TMTC1: variants seen among roughly 807,000 people sequenced by gnomAD.
TMTC1 encodes the protein transmembrane O-mannosyltransferase targeting cadherins 1.
Under a neutral mutation model 104.8 loss-of-function variants are expected in TMTC1, and 73 were observed. That is an observed-to-expected ratio of 0.70 (90% confidence interval 0.58 to 0.85). The LOEUF is 0.85. Ranked by LOEUF, TMTC1 falls within the 40% of genes least tolerant of loss-of-function variation. The probability of loss-of-function intolerance (pLI) is 0.00; values close to 1 mark genes in which losing one functional copy is unlikely to be tolerated. For missense variants in TMTC1, 1,035 were observed against 1,096.1 expected (o/e 0.94, Z 0.79); for synonymous variants, 434 against 428.7 (o/e 1.01, Z -0.15).
chr12:29,659,605 T>C (rs1324855338), intron 5 of TMTC1, among the ~76,000 whole-genome samples: 1 of 152,180 alleles, frequency 6.6e-6, no homozygotes, highest in Non-Finnish European at 1.5e-5. Flanking sequence ...ATAAATTACC[T>C]AGTCTCCAGT....
chr12:29,597,376 G>A, intron 7 of TMTC1, among the ~76,000 whole-genome samples: 1 of 151,520 alleles, frequency 6.6e-6, no homozygotes, highest in Non-Finnish European at 1.5e-5. Context: ...TGCCTGGCCA[G>A]TCCATGTGAA....
At chr12:29,668,897 C>T (rs560851445) in intron 5 of TMTC1, among the ~76,000 whole-genome samples, 4 of 152,260 alleles carry the variant, frequency 2.6e-5, no homozygotes, top group Non-Finnish European at 4.4e-5. Flanking sequence ...TTAATAAGCA[C>T]GCTTTTAAAA....
chr12:29,672,073 G>A (rs915155153), intron 5 of TMTC1, among the ~76,000 whole-genome samples: 3 of 152,166 alleles, frequency 2.0e-5, no homozygotes, highest in Admixed American at 1.3e-4. Flanking sequence ...GAATGGTGAA[G>A]TGGAAGTTCC....
At chr12:29,574,892 T>C (rs1945779550) in intron 8 of TMTC1, among the ~76,000 whole-genome samples, 1 of 152,160 alleles carries the variant, frequency 6.6e-6, no homozygotes, top group African/African-American at 2.4e-5. Context: ...CTCTTAATCA[T>C]GAGGGAGGGC....
At chr12:29,541,283 C>T (rs117974094) in intron 10 of TMTC1, among the ~76,000 whole-genome samples, 2,075 of 152,240 alleles carry the variant, frequency 0.014, 18 homozygotes, top group Non-Finnish European at 0.019. Flanking sequence ...TGCTAAGCCG[C>T]CTATCCACCT....
At chr12:29,636,982 C>T (rs1413980614) in intron 5 of TMTC1, among the ~76,000 whole-genome samples, 1 of 151,730 alleles carries the variant, frequency 6.6e-6, no homozygotes, top group African/African-American at 2.4e-5. Context: ...ATCACTTTAG[C>T]CAGGGAGGTC....
intron 13 of TMTC1, 120 bp downstream of exon 13, chr12:29,518,352 A>G: frequency 8.5e-7 from 1 of 1,180,950 alleles, no homozygotes; most frequent in South Asian, 2.0e-5. Flanking sequence ...AATTTGTATC[A>G]CCTGAATTGG....
intron 6 of TMTC1, among the ~76,000 whole-genome samples, chr12:29,605,321 G>A (rs191225778): frequency 4.6e-4 from 70 of 151,992 alleles, no homozygotes; most frequent in African/African-American, 1.6e-3. Context: ...AAAGTATAAC[G>A]ATTTTAAACA....
At position 29,516,484 on chromosome 12, in the gene TMTC1, A is replaced by G. The variant is rs146888627; in HGVS notation, c.2172T>C (p.Ala724=). The part of the protein sequence containing the change: ...PSQRELRLAL[A]QVLAVMGQTK... Reference sequence around the variant, plus strand: ...TCTGACCCATCACGGCCAAAACCTGAGCCTACAAAACCACATGGACCTTGG... The same window carrying G: ...TCTGACCCATCACGGCCAAAACCTGGGCCTACAAAACCACATGGACCTTGG... Residue 724 remains alanine, a splice_region_variant and synonymous_variant, in exon 15 of 18, where the codon GCT becomes GCC. Transcript: ENST00000539277. 1.2e-6 allele frequency: 2 copies of G among 1,613,020 alleles called. No homozygotes were observed. Among genetic ancestry groups the G allele is most frequent in the African/African-American group, 2.7e-5 (2 of 74,868 alleles).
At chr12:29,703,202 C>T (rs537842007) in intron 5 of TMTC1, among the ~76,000 whole-genome samples, 5 of 148,998 alleles carry the variant, frequency 3.4e-5, no homozygotes, top group South Asian at 2.1e-4. Context: ...ACAGCATGAA[C>T]GGGTGGCAGG....
At chr12:29,524,024 A>G (rs1944263984) in intron 11 of TMTC1, among the ~76,000 whole-genome samples, 1 of 152,104 alleles carries the variant, frequency 6.6e-6, no homozygotes, top group African/African-American at 2.4e-5. Context: ...CTCAGTTACC[A>G]TTATTTTAGG....
In TMTC1 at chr12:29,730,085, C is replaced by A. The variant is rs533748776; in HGVS notation, c.938+21581G>T. ...CCACACAAGTGACTCTGAGCCTTTG[C>A]AGAAGGGTGCAGTTGAAACAAGCAG... On this transcript the variant is annotated intron_variant, in intron 5 of 17. Coordinates refer to ENST00000539277, the MANE Select transcript of TMTC1 (RefSeq NM_001193451.2). Among the ~76,000 whole-genome samples, 17 of 152,260 alleles carry A rather than the reference C, an allele frequency of 1.1e-4. No homozygotes were observed. The South Asian group carries it at 2.9e-3, about 26-fold the overall frequency.
chr12:29,511,492 TC>T (rs1403468108), intron 17 of TMTC1, among the ~76,000 whole-genome samples: 1 of 152,084 alleles, frequency 6.6e-6, no homozygotes, highest in African/African-American at 2.4e-5. Flanking sequence ...CAGATAATAG[TC>T]CCCCAAAGGT....
chr12:29,582,574 G>A (rs567004627), intron 8 of TMTC1, among the ~76,000 whole-genome samples: 2 of 152,224 alleles, frequency 1.3e-5, no homozygotes, highest in African/African-American at 2.4e-5. Context: ...CCAGATGCCT[G>A]TTTCCTGTCT....
At chr12:29,733,144 G>A (rs1283119797) in intron 5 of TMTC1, among the ~76,000 whole-genome samples, 1 of 152,168 alleles carries the variant, frequency 6.6e-6, no homozygotes, top group Non-Finnish European at 1.5e-5. Flanking sequence ...GAGATGTCAA[G>A]CCCTGGGCAT....
intron 8 of TMTC1, among the ~76,000 whole-genome samples, chr12:29,577,287 T>A (rs1945850601): frequency 6.6e-6 from 1 of 152,138 alleles, no homozygotes; most frequent in Non-Finnish European, 1.5e-5. Flanking sequence ...CACTTAAACT[T>A]TGATGACGGG....
chr12:29,522,553 AATGTGT>A (rs1473376592), intron 11 of TMTC1, among the ~76,000 whole-genome samples: 10 of 95,954 alleles, frequency 1.0e-4, no homozygotes, highest in Non-Finnish European at 2.0e-4. Context: ...AAGGACTGAC[AATGTGT>A]GTGTGTGTGT....
chr12:29,577,938 A>G (rs897087450), intron 8 of TMTC1, among the ~76,000 whole-genome samples: 2 of 152,142 alleles, frequency 1.3e-5, no homozygotes, highest in Non-Finnish European at 2.9e-5. Flanking sequence ...ATTTCTATTA[A>G]GGAAAATTTC....
chr12:29,697,515 G>A (rs1941459479), intron 5 of TMTC1, among the ~76,000 whole-genome samples: 1 of 152,224 alleles, frequency 6.6e-6, no homozygotes, highest in Admixed American at 6.5e-5. Flanking sequence ...ACCAAAGGAT[G>A]TATGTGTGTG....
Sources: gnomAD v4.1 joint callset for allele counts (sites outside exome capture counted in the v4.1 genomes callset) on GRCh38, gnomAD v4.1.1 for gene constraint, MANE v1.5 for transcripts, NCBI Gene and HGNC (gene_info 2026-07-23, HGNC 2026-07-21) for gene names.